Variants in NELL1 observed in about 807,000 individuals in gnomAD.
NELL1 encodes protein kinase C-binding protein NELL1.
In NELL1, 76 loss-of-function variants were observed where a neutral mutation model predicts 107.4. The observed-to-expected ratio is 0.71, with a 90% CI of 0.59 to 0.86. The LOEUF (loss-of-function observed/expected upper bound fraction) is 0.86. Ranked by LOEUF, NELL1 falls within the 40% of genes least tolerant of loss-of-function variation. The pLI is 0.00. For missense variants in NELL1, 1,024 were observed against 1,005.5 expected (o/e 1.02, Z -0.25); for synonymous variants, 353 against 341.2 (o/e 1.03, Z -0.38).
chr11:21,126,674 C>T (rs1021888950), intron 13 of NELL1, among the ~76,000 whole-genome samples: 6 of 152,152 alleles, frequency 3.9e-5, no homozygotes, highest in African/African-American at 1.4e-4. Flanking sequence ...TCTCCCTCAC[C>T]TTACTAAGTA....
chr11:20,813,675 A>G (rs1857555278), intron 3 of NELL1, among the ~76,000 whole-genome samples: 2 of 152,228 alleles, frequency 1.3e-5, no homozygotes. Context: ...ATGATTATGT[A>G]TTTGTTAAAA....
intron 15 of NELL1, among the ~76,000 whole-genome samples, chr11:21,494,189 T>G (rs933352678): frequency 1.6e-4 from 24 of 152,154 alleles, no homozygotes; most frequent in African/African-American, 5.8e-4. Flanking sequence ...AAAAAATTTT[T>G]GTTTGGAAGA....
At chr11:20,983,485 C>T (rs1190771391) in intron 12 of NELL1, among the ~76,000 whole-genome samples, 3 of 152,180 alleles carry the variant, frequency 2.0e-5, no homozygotes, top group Non-Finnish European at 4.4e-5. Flanking sequence ...AACACCTGCT[C>T]TTCTTTCAGT....
chr11:21,220,507 A>G (rs541222218), intron 13 of NELL1, among the ~76,000 whole-genome samples: 1 of 152,276 alleles, frequency 6.6e-6, no homozygotes, highest in South Asian at 2.1e-4. Flanking sequence ...ATTCATGAAC[A>G]TGGAATAGTT....
chr11:21,141,501 C>A (rs1349075974), intron 13 of NELL1, among the ~76,000 whole-genome samples: 1 of 152,090 alleles, frequency 6.6e-6, no homozygotes, highest in Non-Finnish European at 1.5e-5. Context: ...TCCTCCCTAC[C>A]CTAGTAGTCC....
rs558336003 is a variant in NELL1 at position 20,708,320 on chromosome 11, C to T, written c.184+30260C>T. 2.7e-4 allele frequency among the ~76,000 whole-genome samples: 41 copies of T among 152,328 alleles called. No individual in the cohort carries two copies. The East Asian group carries it at 3.3e-3, about 12-fold the overall frequency. ...GGTGAGGCGATGCCCCGCCCTGCTT[C>T]GGCTCACACTCCTTGGGTTGCACCC... On this transcript the variant is annotated intron_variant, in intron 2 of 19. Coordinates refer to ENST00000357134, the MANE Select transcript of NELL1 (RefSeq NM_006157.5).
chr11:21,543,663 C>T (rs1009833326), intron 16 of NELL1, among the ~76,000 whole-genome samples: 3 of 151,994 alleles, frequency 2.0e-5, no homozygotes, highest in Non-Finnish European at 2.9e-5. Flanking sequence ...TTGCCTGCTC[C>T]TTTTCTAGTC....
chr11:20,994,636 T>A (rs1160185605), intron 12 of NELL1, among the ~76,000 whole-genome samples: 1 of 152,210 alleles, frequency 6.6e-6, no homozygotes, highest in African/African-American at 2.4e-5. Context: ...GGTGAATATA[T>A]AATATTTATC....
At chr11:20,818,864 G>A (rs1167334906) in intron 3 of NELL1, among the ~76,000 whole-genome samples, 1 of 152,192 alleles carries the variant, frequency 6.6e-6, no homozygotes. Flanking sequence ...TTCAAATCAT[G>A]TCATAAAGTA....
chr11:20,899,758 TA>T (rs909847649), intron 5 of NELL1, among the ~76,000 whole-genome samples: 5 of 151,718 alleles, frequency 3.3e-5, no homozygotes, highest in East Asian at 3.9e-4. Flanking sequence ...ATATTAGAAA[TA>T]AAAAAAGCAT....
At chr11:21,477,257 T>C (rs1182519658) in intron 15 of NELL1, among the ~76,000 whole-genome samples, 1 of 152,226 alleles carries the variant, frequency 6.6e-6, no homozygotes, top group Non-Finnish European at 1.5e-5. Context: ...GTAATGTGGA[T>C]ACTGGTTCAG....
At position 20,847,631 on chromosome 11, in the gene NELL1, C is replaced by A; in HGVS notation, c.384C>A (p.His128Gln). The A allele has an allele frequency of 6.2e-7, 1 of 1,613,866 alleles. No individual in the cohort carries two copies. Among genetic ancestry groups the A allele is most frequent in the Non-Finnish European group, 8.5e-7 (1 of 1,179,840 alleles). ...GCCTGAGGGATGAGATTCGGTATCA[C>A]TACATACACAATGGGAAGCCAAGGA... The part of the protein sequence containing the change: ...SSGLRDEIRY[H>Q]YIHNGKPRTE... The change falls in exon 4 of 20, where the codon CAC becomes CAA. Residue 128 changes from histidine (H) to glutamine (Q), a missense_variant. Transcript: ENST00000357134.
chr11:20,739,721 G>A (rs1296142240), intron 2 of NELL1, among the ~76,000 whole-genome samples: 2 of 152,134 alleles, frequency 1.3e-5, no homozygotes, highest in African/African-American at 4.8e-5. Context: ...GCCATTCCCT[G>A]GGCAGAGAGA....
chr11:20,704,156 T>C (rs1322737395), intron 2 of NELL1, among the ~76,000 whole-genome samples: 1 of 152,168 alleles, frequency 6.6e-6, no homozygotes, highest in Non-Finnish European at 1.5e-5. Flanking sequence ...TTTGTAGGTC[T>C]CTAAGGTCTT....
chr11:21,447,155 T>C (rs1945411), intron 15 of NELL1, among the ~76,000 whole-genome samples: 143,964 of 152,184 alleles, frequency 0.95, 68,112 homozygotes, highest in East Asian at 1. Flanking sequence ...ATGCCTGGGA[T>C]TCACCCTTCA....
chr11:20,939,729 G>A (rs1024676836), intron 10 of NELL1, among the ~76,000 whole-genome samples: 2 of 152,126 alleles, frequency 1.3e-5, no homozygotes, highest in African/African-American at 4.8e-5. Flanking sequence ...ATCAGAAGAA[G>A]CCAAAATGTG....
intron 14 of NELL1, among the ~76,000 whole-genome samples, chr11:21,288,151 A>C (rs983441521): frequency 1.3e-5 from 2 of 151,946 alleles, no homozygotes; most frequent in Non-Finnish European, 2.9e-5. Flanking sequence ...GAAGGGAAGG[A>C]AAGAAAGGAA....
intron 15 of NELL1, among the ~76,000 whole-genome samples, chr11:21,410,925 C>G (rs74601580): frequency 0.023 from 3,432 of 152,092 alleles, 114 homozygotes; most frequent in African/African-American, 0.073. Flanking sequence ...TTTCTTCCCC[C>G]ACCCCCAACA....
intron 5 of NELL1, among the ~76,000 whole-genome samples, chr11:20,899,765 AG>A (rs1849831690): frequency 6.6e-6 from 1 of 152,188 alleles, no homozygotes; most frequent in South Asian, 2.1e-4. Context: ...AAATAAAAAA[AG>A]CATATAACAA....
Sources: gnomAD v4.1 joint callset for allele counts (sites outside exome capture counted in the v4.1 genomes callset) on GRCh38, gnomAD v4.1.1 for gene constraint, MANE v1.5 for transcripts, NCBI Gene and HGNC (gene_info 2026-07-23, HGNC 2026-07-21) for gene names.